Variants in CNTN4 observed in about 807,000 individuals in gnomAD.
CNTN4 encodes the protein contactin-4.
CNTN4 carries 77 observed loss-of-function variants against 122.5 expected under a neutral mutation model. That is an observed-to-expected ratio of 0.63 (90% CI 0.52 to 0.76). CNTN4 has a LOEUF of 0.76. Among genes scored for constraint, CNTN4 ranks in the 30% least tolerant of loss-of-function variants. The pLI, the probability that CNTN4 is intolerant of heterozygous loss-of-function variation, is 0.00. For missense variants in CNTN4, 1,256 were observed against 1,259.1 expected (o/e 1.00, Z 0.04); for synonymous variants, 512 against 447.0 (o/e 1.15, Z -1.83).
intron 4 of CNTN4, among the ~76,000 whole-genome samples, chr3:2,586,458 A>G (rs2149612298): frequency 6.6e-6 from 1 of 152,116 alleles, no homozygotes; most frequent in South Asian, 2.1e-4. Context: ...ACACCTGGCT[A>G]GTTTTTGTAT....
Position 2,840,706 on chromosome 3 carries a change from T to A in CNTN4, c.454+21125T>A, listed in dbSNP as rs565667938. Among the ~76,000 whole-genome samples the A allele has an allele frequency of 1.4e-3, 211 of 151,048 alleles. 1 individual carries two copies. The highest frequency in any genetic ancestry group is 4.8e-3 in the African/African-American group (197 of 41,098). ...AGAGCGACACTCCGTCTCCAAAAAA[T>A]AAAAAATAAAAATAAAAAAATAAAA... is the stretch of plus-strand genomic sequence containing the variant. On this transcript the variant is annotated intron_variant, in intron 7 of 24. Transcript: ENST00000418658.
intron 7 of CNTN4, among the ~76,000 whole-genome samples, chr3:2,837,420 A>C (rs900915965): frequency 2.0e-5 from 3 of 152,158 alleles, no homozygotes; most frequent in African/African-American, 7.2e-5. Flanking sequence ...GATTGGCAGT[A>C]ATCCGCTTTG....
intron 4 of CNTN4, among the ~76,000 whole-genome samples, chr3:2,662,125 A>G (rs2083927286): frequency 6.6e-6 from 1 of 152,264 alleles, no homozygotes; most frequent in African/African-American, 2.4e-5. Flanking sequence ...AGCTACAGAA[A>G]GAGATAAGCT....
intron 13 of CNTN4, among the ~76,000 whole-genome samples, chr3:2,969,949 AC>A: frequency 6.6e-6 from 1 of 152,096 alleles, no homozygotes; most frequent in Non-Finnish European, 1.5e-5. Context: ...AGATATATAC[AC>A]CCACACACAC....
At chr3:2,840,172 G>C (rs941041661) in intron 7 of CNTN4, among the ~76,000 whole-genome samples, 1 of 151,864 alleles carries the variant, frequency 6.6e-6, no homozygotes, top group Non-Finnish European at 1.5e-5. Context: ...ACCAATCCGG[G>C]GTCATTCTTA....
rs74917754 is a variant in CNTN4, at chr3:2,378,512, A to G, written c.-89+39279A>G. The stretch of plus-strand genomic sequence containing the variant: ...AGAAAGTGGACCTTAATGGACAGGT[A>G]GCAATCTCTGCTACTCTCATTCATT... On this transcript the variant is annotated intron_variant, in intron 3 of 24. Transcript: ENST00000418658. Among the ~76,000 whole-genome samples the G allele has an allele frequency of 3.2e-3, 484 of 152,332 alleles. 4 individuals are homozygous for G. In the East Asian group the frequency reaches 0.034, roughly 11 times the overall value.
intron 10 of CNTN4, among the ~76,000 whole-genome samples, chr3:2,889,739 T>A (rs67538028): frequency 5.9e-5 from 9 of 152,122 alleles, no homozygotes; most frequent in African/African-American, 2.2e-4. Flanking sequence ...ATTTTAACTT[T>A]CATGATTTTC....
intron 15 of CNTN4, among the ~76,000 whole-genome samples, chr3:3,026,613 G>A (rs1434844470): frequency 2.0e-5 from 3 of 152,116 alleles, no homozygotes; most frequent in Non-Finnish European, 4.4e-5. Context: ...CAAACTCTGT[G>A]TCACATATCA....
At chr3:2,177,160 G>A (rs1282055888) in intron 2 of CNTN4, among the ~76,000 whole-genome samples, 1 of 152,064 alleles carries the variant, frequency 6.6e-6, no homozygotes, top group East Asian at 1.9e-4. Context: ...AAAGTTTAAA[G>A]CAAGAATTGC....
At chr3:2,720,954 C>T (rs780116179) in intron 4 of CNTN4, among the ~76,000 whole-genome samples, 19 of 152,008 alleles carry the variant, frequency 1.2e-4, no homozygotes, top group Non-Finnish European at 2.6e-4. Flanking sequence ...AGCTTATAGA[C>T]ATTAGCATAT....
At chr3:2,662,866 G>T (rs879806328) in intron 4 of CNTN4, among the ~76,000 whole-genome samples, 1 of 152,168 alleles carries the variant, frequency 6.6e-6, no homozygotes, top group Non-Finnish European at 1.5e-5. Flanking sequence ...GCTGAGGTGG[G>T]TGGATCACTT....
chr3:2,499,855 G>T (rs146071195), intron 3 of CNTN4, among the ~76,000 whole-genome samples: 1 of 151,972 alleles, frequency 6.6e-6, no homozygotes. Flanking sequence ...GACCCTTCCA[G>T]TTCATGAACC....
At chr3:2,806,821 T>C (rs993711501) in intron 6 of CNTN4, among the ~76,000 whole-genome samples, 1 of 152,132 alleles carries the variant, frequency 6.6e-6, no homozygotes, top group Non-Finnish European at 1.5e-5. Flanking sequence ...GGACGAGAGC[T>C]GAGTTGGCAA....
At chr3:2,128,748 T>C (rs190795522) in intron 2 of CNTN4, among the ~76,000 whole-genome samples, 132 of 152,338 alleles carry the variant, frequency 8.7e-4, no homozygotes, top group Non-Finnish European at 1.6e-3. Context: ...AAGCGAAAGA[T>C]GACTTAGATC....
intron 3 of CNTN4, among the ~76,000 whole-genome samples, chr3:2,375,384 C>T (rs9814411): frequency 0.016 from 2,424 of 152,170 alleles, 66 homozygotes; most frequent in African/African-American, 0.055. Flanking sequence ...TCTTTTTCTC[C>T]CTAAAACTGA....
At chr3:2,386,541 G>A (rs143411999) in intron 3 of CNTN4, among the ~76,000 whole-genome samples, 1 of 152,204 alleles carries the variant, frequency 6.6e-6, no homozygotes, top group Non-Finnish European at 1.5e-5. Context: ...TGTTGGAAAA[G>A]ATGTTTTCAT....
chr3:2,172,242 T>C (rs957893972), intron 2 of CNTN4, among the ~76,000 whole-genome samples: 15 of 152,116 alleles, frequency 9.9e-5, no homozygotes, highest in Non-Finnish European at 2.1e-4. Context: ...CGAAATAATG[T>C]CTTTTTCAGC....
At chr3:2,604,634 G>A (rs1459632454) in intron 4 of CNTN4, among the ~76,000 whole-genome samples, 1 of 152,146 alleles carries the variant, frequency 6.6e-6, no homozygotes, top group African/African-American at 2.4e-5. Flanking sequence ...AAGAGGAAAT[G>A]CAGAGCCCTA....
At chr3:2,514,221 A>G (rs953845570) in intron 3 of CNTN4, among the ~76,000 whole-genome samples, 3 of 152,206 alleles carry the variant, frequency 2.0e-5, no homozygotes, top group African/African-American at 7.2e-5. Flanking sequence ...TAACGTCCTC[A>G]GCGGCATTTG....
Sources: gnomAD v4.1 joint callset for allele counts (sites outside exome capture counted in the v4.1 genomes callset) on GRCh38, gnomAD v4.1.1 for gene constraint, MANE v1.5 for transcripts, NCBI Gene and HGNC (gene_info 2026-07-23, HGNC 2026-07-21) for gene names.